The following CFAP92 variants were observed in gnomAD, a reference collection of about 807,000 sequenced individuals.
CFAP92 encodes cilia and flagella associated protein 92 (putative), also known as uncharacterized protein CFAP92.
Under a neutral mutation model 106.3 loss-of-function variants are expected in CFAP92, and 86 were observed. The observed-to-expected ratio is 0.81, with a 90% CI of 0.68 to 0.97. The LOEUF (loss-of-function observed/expected upper bound fraction) is 0.97. Ranked by LOEUF, CFAP92 falls within the 50% of genes least tolerant of loss-of-function variation. The pLI, the probability that CFAP92 is intolerant of heterozygous loss-of-function variation, is 0.00. For missense variants in CFAP92, 1,204 were observed against 1,283.8 expected, an observed-to-expected ratio of 0.94 and a Z score of 0.95; for synonymous variants, 477 against 506.4, an observed-to-expected ratio of 0.94 and a Z score of 0.78.
intron 9 of CFAP92, among the ~76,000 whole-genome samples, chr3:128,963,246 T>C (rs1218586850): frequency 5.9e-5 from 9 of 152,270 alleles, no homozygotes; most frequent in South Asian, 2.1e-4. Context: ...GCATGCTTAG[T>C]GCGGTCAGAA....
chr3:129,004,126 A>G (rs1259911092), upstream of CFAP92: 2 of 1,418,184 alleles, frequency 1.4e-6, no homozygotes, highest in African/African-American at 1.5e-5. Context: ...TTCGGCTCCC[A>G]TTTTCCCAAA....
intron 12 of CFAP92, among the ~76,000 whole-genome samples, chr3:128,919,957 AC>A (rs1198252099): frequency 1.3e-5 from 2 of 152,216 alleles, no homozygotes; most frequent in Admixed American, 6.5e-5. Context: ...CTGGAATAAG[AC>A]ATCAAGAGTC....
chr3:128,923,686 C>T (rs1177305440), intron 12 of CFAP92, among the ~76,000 whole-genome samples: 2 of 152,224 alleles, frequency 1.3e-5, no homozygotes, highest in Non-Finnish European at 2.9e-5. Context: ...AAGGGCTGAA[C>T]AGCCTGCAAT....
At chr3:128,973,024 A>G (rs1244040355) in intron 7 of CFAP92, among the ~76,000 whole-genome samples, 1 of 152,206 alleles carries the variant, frequency 6.6e-6, no homozygotes, top group Non-Finnish European at 1.5e-5. Context: ...TCGTGAAAGT[A>G]TAAACTAGAG....
At chr3:128,952,647 G>T (rs575957770) in intron 9 of CFAP92, among the ~76,000 whole-genome samples, 1 of 152,244 alleles carries the variant, frequency 6.6e-6, no homozygotes, top group East Asian at 1.9e-4. Context: ...AAGGTGTGGT[G>T]GTGCATGCCT....
upstream of CFAP92, chr3:129,003,412 C>A: frequency 4.4e-6 from 2 of 452,098 alleles, no homozygotes; most frequent in African/African-American, 2.1e-5. Context: ...CTGGAAATGC[C>A]ACTGGGGGGA....
chr3:128,922,040 G>A (rs542506811), intron 12 of CFAP92, among the ~76,000 whole-genome samples: 6 of 152,014 alleles, frequency 3.9e-5, no homozygotes, highest in Non-Finnish European at 7.4e-5. Flanking sequence ...TGATTATACC[G>A]GAGAAATTCA....
At chr3:128,914,882 GA>G in intron 15 of CFAP92, 1 of 522,112 alleles carries the variant, frequency 1.9e-6, no homozygotes, top group South Asian at 2.6e-5. Context: ...CCCAGGGCAT[GA>G]AGGGATTTGC....
chr3:129,011,464 T>C, the CFAP92 span, among the ~76,000 whole-genome samples: 1 of 151,952 alleles, frequency 6.6e-6, no homozygotes. Context: ...GGCAGGAGAA[T>C]TGCTTGAACC....
chr3:128,975,833 C>T lies in CFAP92; in HGVS notation c.967G>A (p.Glu323Lys). 6.2e-7 allele frequency: 1 copy of T among 1,609,198 alleles called. No homozygotes were observed. The highest frequency in any genetic ancestry group is 8.5e-7 in the Non-Finnish European group (1 of 1,177,420). Residue 323 changes from glutamate (E) to lysine (K), a missense_variant, in exon 7 of 16, where the codon GAG (glutamate) becomes AAG (lysine). Coordinates refer to ENST00000645291, the MANE Select transcript of CFAP92 (RefSeq NM_001394090.1). The part of the protein sequence containing the change: ...ASMMEIKELI[E>K]SESLSSLTNI... ...GTTAAGCTGCTAAGTGATTCACTCT[C>T]AATTAATTCCTTGATCTCCATCATG... is the stretch of plus-strand genomic sequence containing the variant.
At chr3:128,931,194 T>A (rs1199468443) in intron 12 of CFAP92, among the ~76,000 whole-genome samples, 2 of 151,996 alleles carry the variant, frequency 1.3e-5, no homozygotes. Context: ...CATTAGGCAC[T>A]GTGCCGCATT....
chr3:128,917,408 G>C (rs993060326), intron 12 of CFAP92, among the ~76,000 whole-genome samples: 3 of 152,166 alleles, frequency 2.0e-5, no homozygotes, highest in Non-Finnish European at 2.9e-5. Context: ...TTGAAATTCT[G>C]ACCTAATGCT....
At chr3:128,986,620 C>T (rs1415041308) in intron 4 of CFAP92, among the ~76,000 whole-genome samples, 1 of 152,168 alleles carries the variant, frequency 6.6e-6, no homozygotes, top group African/African-American at 2.4e-5. Context: ...CTTAAATTTT[C>T]TATAGACAAT....
intron 9 of CFAP92, among the ~76,000 whole-genome samples, chr3:128,953,481 C>T (rs1576496398): frequency 6.6e-6 from 1 of 152,068 alleles, no homozygotes; most frequent in Admixed American, 6.5e-5. Flanking sequence ...CGCCACTGCA[C>T]TCCAGCCAGG....
chr3:129,003,774 C>T, upstream of CFAP92: 1 of 1,417,534 alleles, frequency 7.1e-7, no homozygotes, highest in South Asian at 1.4e-5. Flanking sequence ...CCCCCTGCCC[C>T]TGCTGCCCTG....
rs530314755 is a variant in CFAP92 at position 129,001,524 on chromosome 3, C to A, written n.117+1050G>T. 15 of 1,331,826 alleles carry A rather than the reference C, an allele frequency of 1.1e-5. 1 individual carries two copies. The South Asian group carries it at 3.0e-4, about 27-fold the overall frequency. 82.5% of individuals were successfully genotyped at this position (1,331,826 alleles called of 1,614,324 possible). A position where few individuals can be genotyped will look rare whatever the true frequency, so the allele number is the denominator to read the frequency against. On this transcript the variant is annotated intron_variant and non_coding_transcript_variant, in intron 1 of 4. Coordinates refer to the CFAP92 transcript ENST00000510149. The stretch of plus-strand genomic sequence containing the variant: ...CCCCGGCGCCGCTCCAACCAGACCG[C>A]GACCGCTAAGCCCCTCCTTTCGAGA...
chr3:129,003,740 T>C, upstream of CFAP92: 2 of 1,305,690 alleles, frequency 1.5e-6, no homozygotes, highest in Non-Finnish European at 2.0e-6. Context: ...GGCGTTCGTC[T>C]GGTGCATCTG....
At chr3:128,996,175 C>A (rs1265758773), upstream of CFAP92, among the ~76,000 whole-genome samples, 1 of 152,176 alleles carries the variant, frequency 6.6e-6, no homozygotes, top group African/African-American at 2.4e-5. Flanking sequence ...CGGTTCCCAG[C>A]CAATTGCAGC....
At position 128,935,156 on chromosome 3, in the gene CFAP92, C is replaced by T; in HGVS notation, c.2422G>A (p.Glu808Lys). 1 of 1,534,720 alleles carries T rather than the reference C, an allele frequency of 6.5e-7. No homozygotes were observed. ...AGAGCCTGGAAGACCCGCCTCCGCT[C>T]AGTGTCTCGCAGGAAGAACACCGCC... ...QQAVFFLRDT[E>K]RRRVFQALAR... The change falls in exon 11 of 16, where the codon GAG (glutamate) becomes AAG (lysine). Residue 808 changes from glutamate to lysine, a missense_variant. Transcript: ENST00000645291.
Sources: allele counts gnomAD v4.1 joint callset (sites outside exome capture counted in the v4.1 genomes callset), GRCh38; gene constraint gnomAD v4.1.1; transcripts MANE v1.5; gene names NCBI Gene and HGNC (gene_info 2026-07-23, HGNC 2026-07-21).